ITGA11: variants seen among roughly 807,000 people sequenced by gnomAD.
ITGA11 encodes the protein integrin subunit alpha 11.
A neutral mutation model predicts 141.9 loss-of-function variants in ITGA11; 97 were observed. The ratio of observed to expected loss-of-function variants is 0.68; its 90% confidence interval spans 0.58 to 0.81. The LOEUF (loss-of-function observed/expected upper bound fraction) is 0.81. ITGA11 is among the 30% of genes least tolerant of loss of function. The pLI, the probability that ITGA11 is intolerant of heterozygous loss-of-function variation, is 0.00. For synonymous variants in ITGA11, 658 were observed against 624.6 expected (o/e 1.05, Z -0.80); for missense variants, 1,387 against 1,559.2 (o/e 0.89, Z 1.86).
intron 20 of ITGA11, 100 bp from the exon 21 acceptor site, chr15:68,317,463 C>CTGAGG: frequency 3.7e-6 from 3 of 817,154 alleles, no homozygotes; most frequent in Non-Finnish European, 6.5e-6. Context: ...TCTGCAGGGG[C>CTGAGG]CGCCTCAGCC....
chr15:68,328,402 A>C lies in ITGA11; in HGVS notation c.1902-140T>G. 1 of 448,722 alleles carries C rather than the reference A, an allele frequency of 2.2e-6. No homozygotes were observed. The highest frequency in any genetic ancestry group is 3.8e-6 in the Non-Finnish European group (1 of 263,228). 27.8% of individuals were successfully genotyped at this position (448,722 alleles called of 1,614,324 possible). On this transcript the variant is annotated intron_variant, in intron 15 of 29. Coordinates refer to ENST00000315757, the MANE Select transcript of ITGA11 (RefSeq NM_001004439.2). The surrounding 1 kb of genome is among the most constrained non-coding windows in gnomAD (Gnocchi z 4.8). ...GGTGAGGTGGAGGATGGAGGGGGCG[A>C]GGTGGAGGATGGAGGGGGCTTCGGA...
intron 24 of ITGA11, among the ~76,000 whole-genome samples, chr15:68,312,442 A>G (rs1374479464): frequency 1.3e-5 from 2 of 152,186 alleles, no homozygotes; most frequent in African/African-American, 4.8e-5. Context: ...CCACTCCTGA[A>G]TGACTTTGTG....
In ITGA11 at chr15:68,304,983, G is replaced by C. The variant is rs931950205; in HGVS notation, c.3382-1098C>G. ...CAGTTTGTTCTTAGCATAGCAACTAGAGGGATCCTTCTAACGAGGAAGGCA... is the reference window on the plus strand; with the variant it reads ...CAGTTTGTTCTTAGCATAGCAACTACAGGGATCCTTCTAACGAGGAAGGCA... On this transcript the variant is annotated intron_variant, in intron 28 of 29. Coordinates refer to ENST00000315757, the MANE Select transcript of ITGA11 (RefSeq NM_001004439.2). The surrounding 1 kb of genome is among the most constrained non-coding windows in gnomAD (Gnocchi z 6.1). Among the ~76,000 whole-genome samples, 2 of 152,248 alleles carry C rather than the reference G, an allele frequency of 1.3e-5. No individual in the cohort carries two copies. Among genetic ancestry groups the C allele is most frequent in the Non-Finnish European group, 2.9e-5 (2 of 68,048 alleles).
At chr15:68,359,237 ATTT>A (rs1318703303) in intron 5 of ITGA11, among the ~76,000 whole-genome samples, 5 of 152,166 alleles carry the variant, frequency 3.3e-5, no homozygotes, top group Non-Finnish European at 7.3e-5. Context: ...TTATTTATTT[ATTT>A]ATTTTTTAAG....
intron 2 of ITGA11, among the ~76,000 whole-genome samples, chr15:68,391,057 CT>C (rs1285452049): frequency 1.3e-5 from 2 of 152,226 alleles, no homozygotes; most frequent in South Asian, 2.1e-4. Flanking sequence ...TCTTGGAATG[CT>C]GCCCATACGA....
intron 11 of ITGA11, among the ~76,000 whole-genome samples, chr15:68,337,554 AC>A (rs1245980478): frequency 6.6e-6 from 1 of 151,654 alleles, no homozygotes; most frequent in African/African-American, 2.4e-5. Context: ...CTCCCTCAAG[AC>A]CCCCACCCAA....
intron 1 of ITGA11, among the ~76,000 whole-genome samples, chr15:68,421,581 T>C (rs1897018323): frequency 2.6e-5 from 4 of 152,048 alleles, no homozygotes; most frequent in African/African-American, 7.2e-5. Context: ...CCATGGGAGC[T>C]TTTCTGTCCC....
At chr15:68,318,565 C>A (rs926648670) in intron 20 of ITGA11, among the ~76,000 whole-genome samples, 1 of 152,160 alleles carries the variant, frequency 6.6e-6, no homozygotes, top group Non-Finnish European at 1.5e-5. Flanking sequence ...ACAGAAGGAA[C>A]TGTGGCTGCA....
At chr15:68,327,363 C>G (rs185414284) in intron 16 of ITGA11, among the ~76,000 whole-genome samples, 1 of 152,246 alleles carries the variant, frequency 6.6e-6, no homozygotes. Context: ...TTCTCCAGCA[C>G]GCCCGCAGGT....
chr15:68,363,051 T>A (rs1156247899), intron 4 of ITGA11, among the ~76,000 whole-genome samples: 1 of 151,908 alleles, frequency 6.6e-6, no homozygotes, highest in Non-Finnish European at 1.5e-5. Context: ...TGATAGATGA[T>A]GGAGGTTGAT....
chr15:68,327,963 A>G, intron 16 of ITGA11, 133 bp downstream of exon 16: 4 of 779,450 alleles, frequency 5.1e-6, no homozygotes, highest in Non-Finnish European at 8.1e-6. Context: ...GGGATCCAGT[A>G]GTCATCCAAG....
chr15:68,358,341 G>T (rs1308878374), intron 6 of ITGA11, 117 bp downstream of exon 6: 1 of 1,162,958 alleles, frequency 8.6e-7, no homozygotes, highest in East Asian at 2.7e-5. Context: ...TACTACCTCT[G>T]CCCTCTTACC....
chr15:68,431,550 C>T (rs1897271258), intron 1 of ITGA11, among the ~76,000 whole-genome samples: 1 of 152,198 alleles, frequency 6.6e-6, no homozygotes, highest in African/African-American at 2.4e-5. Context: ...CCGCGCCCGG[C>T]TCTCCAAACT....
rs572862497 is a variant in ITGA11, at chr15:68,325,921, G to T, written c.2212-680C>A. 2.0e-5 allele frequency among the ~76,000 whole-genome samples: 3 copies of T among 152,350 alleles called. No homozygotes were observed. Among genetic ancestry groups the T allele is most frequent in the South Asian group, 4.1e-4 (2 of 4,830 alleles). ...CTGGGAGCTTGTTAAAACACAGGGT[G>T]CTGGCGCCAGCCCCAGCCCCAGCCC... On this transcript the variant is annotated intron_variant, in intron 17 of 29. Coordinates refer to ENST00000315757, the MANE Select transcript of ITGA11 (RefSeq NM_001004439.2). This position sits in a 1 kb window ranked among gnomAD's most constrained non-coding sequence, Gnocchi z 5.5.
Position 68,350,789 on chromosome 15 carries a change from G to C in ITGA11, c.895-7C>G. On this transcript the variant is annotated splice_polypyrimidine_tract_variant and splice_region_variant and intron_variant, in intron 8 of 29. Transcript: ENST00000315757. ...GGTTGTAGTAGCCCAGGACCTGCCA[G>C]GGAACAGGGGCAGGAACCACAAACC... 6.2e-7 allele frequency: 1 copy of C among 1,609,714 alleles called. No homozygotes were observed. The highest frequency in any genetic ancestry group is 1.3e-5 in the African/African-American group (1 of 75,006).
chr15:68,331,800 G>A, intron 14 of ITGA11, 59 bp downstream of exon 14: 1 of 1,414,626 alleles, frequency 7.1e-7, no homozygotes, highest in South Asian at 1.2e-5. Context: ...GAAGCTCCTG[G>A]GACTCCTGGG....
intron 10 of ITGA11, among the ~76,000 whole-genome samples, chr15:68,342,260 C>G (rs775404392): frequency 6.6e-6 from 1 of 152,250 alleles, no homozygotes; most frequent in Admixed American, 6.5e-5. Flanking sequence ...GTCCCCCGCT[C>G]TGCAGGCCTC....
chr15:68,351,517 C>T, intron 7 of ITGA11, 115 bp from the exon 8 acceptor site: 1 of 1,115,130 alleles, frequency 9.0e-7, no homozygotes, highest in East Asian at 2.4e-5. Flanking sequence ...CTTGGGCAAC[C>T]CAACAGGTGC....
In ITGA11 at chr15:68,317,368, A is replaced by G. The variant is rs1893621444; in HGVS notation, c.2617-5T>C. 1 of 1,604,918 alleles carries G rather than the reference A, an allele frequency of 6.2e-7. No individual in the cohort carries two copies. The highest frequency in any genetic ancestry group is 8.5e-7 in the Non-Finnish European group (1 of 1,171,746). On this transcript the variant is annotated splice_region_variant and splice_polypyrimidine_tract_variant and intron_variant, in intron 20 of 29. Coordinates refer to ENST00000315757, the MANE Select transcript of ITGA11 (RefSeq NM_001004439.2). ...AATGCTACCGTCTGAGTCCTCCTGG[A>G]GGTGGGTGGCAGACATCATGGCAGC...
Sources: gnomAD v4.1 joint callset for allele counts (sites outside exome capture counted in the v4.1 genomes callset) on GRCh38, gnomAD v4.1.1 for gene constraint, Gnocchi (gnomAD v3.1) non-coding constraint, MANE v1.5 for transcripts, NCBI Gene and HGNC (gene_info 2026-07-23, HGNC 2026-07-21) for gene names.